Variants in DLG1 observed in about 807,000 individuals in gnomAD.
DLG1 encodes the protein disks large homolog 1.
Under a neutral mutation model 123.4 loss-of-function variants are expected in DLG1, and 42 were observed. That is an observed-to-expected ratio of 0.34 (90% CI 0.27 to 0.44). The LOEUF is 0.44. DLG1 is among the 20% of genes least tolerant of loss of function. DLG1 has a pLI of 1.00. For synonymous variants in DLG1, 317 were observed against 356.2 expected, an observed-to-expected ratio of 0.89 and a Z score of 1.24; for missense variants, 942 against 1,082.6, an observed-to-expected ratio of 0.87 and a Z score of 1.82.
Position 197,268,899 on chromosome 3 carries a change from CAA to C in DLG1, c.318+13778_318+13779del, listed in dbSNP as rs372532374. On this transcript the variant is annotated intron_variant, in intron 4 of 24. Transcript: ENST00000667157. ...ACACACTTTTAAATACTGTTAAAAA[CAA>C]ACACACACACACCCGTTAACTTAAG... Among the ~76,000 whole-genome samples the C allele has an allele frequency of 9.8e-3, 1,123 of 114,472 alleles. 12 individuals carry two copies. Among genetic ancestry groups the C allele is most frequent in the African/African-American group, 0.043 (993 of 23,188 alleles). The allele number at this position is 114,472 out of a possible 152,430, so 75.1% of individuals were successfully genotyped here.
intron 5 of DLG1, among the ~76,000 whole-genome samples, chr3:197,164,631 G>A (rs1301923782): frequency 6.6e-6 from 1 of 151,838 alleles, no homozygotes; most frequent in Non-Finnish European, 1.5e-5. Context: ...GCTGGGCATG[G>A]TGGCTCATGC....
Position 197,114,721 on chromosome 3 carries a change from G to A in DLG1, c.1443+1206C>T, listed in dbSNP as rs568832738. ...TTTTCGGCCAGGTGCAGTGGCTCAC[G>A]CCTGTAGTCCCGGCACTTTGGGAGG... On this transcript the variant is annotated intron_variant, in intron 13 of 24. Coordinates refer to ENST00000667157, the MANE Select transcript of DLG1 (RefSeq NM_001366207.1). Among the ~76,000 whole-genome samples, 12 of 152,190 alleles carry A rather than the reference G, an allele frequency of 7.9e-5. No individual in the cohort carries two copies. The East Asian group carries it at 1.4e-3, about 17-fold the overall frequency.
intron 5 of DLG1, among the ~76,000 whole-genome samples, chr3:197,174,237 C>A (rs1248193466): frequency 1.3e-5 from 2 of 152,104 alleles, no homozygotes; most frequent in African/African-American, 4.8e-5. Flanking sequence ...GGCTTTAAGA[C>A]ACCTAAGTTA....
At chr3:197,193,881 G>A (rs552852343) in intron 5 of DLG1, among the ~76,000 whole-genome samples, 4 of 151,592 alleles carry the variant, frequency 2.6e-5, no homozygotes, top group South Asian at 2.1e-4. Context: ...GTGCAGTGGC[G>A]TAATCTAGGC....
At chr3:197,231,687 C>T (rs1471306350) in intron 4 of DLG1, among the ~76,000 whole-genome samples, 1 of 127,462 alleles carries the variant, frequency 7.8e-6, no homozygotes, top group African/African-American at 2.9e-5. Flanking sequence ...GGAAGAGAAC[C>T]AGACCCTGTT....
chr3:197,277,494 C>T (rs1465142790), intron 4 of DLG1, among the ~76,000 whole-genome samples: 1 of 152,070 alleles, frequency 6.6e-6, no homozygotes, highest in Non-Finnish European at 1.5e-5. Flanking sequence ...GCACGCACCA[C>T]CACACCTGGC....
chr3:197,297,670 T>C, intron 1 of DLG1: 1 of 990,346 alleles, frequency 1.0e-6, no homozygotes, highest in Non-Finnish European at 1.2e-6. Context: ...TCCTCTCGCT[T>C]GCCTTTCTCC....
intron 4 of DLG1, among the ~76,000 whole-genome samples, chr3:197,246,486 C>T (rs1751789358): frequency 6.6e-6 from 1 of 152,140 alleles, no homozygotes. Context: ...TTGTCCTAAC[C>T]TGAAGGGGTG....
intron 5 of DLG1, among the ~76,000 whole-genome samples, chr3:197,176,308 C>T (rs1253077834): frequency 6.6e-6 from 1 of 152,010 alleles, no homozygotes; most frequent in Non-Finnish European, 1.5e-5. Flanking sequence ...ATCAATGAGC[C>T]CACACTGCCA....
chr3:197,114,387 T>A (rs959474565), intron 13 of DLG1, among the ~76,000 whole-genome samples: 7 of 151,884 alleles, frequency 4.6e-5, no homozygotes, highest in African/African-American at 1.5e-4. Context: ...CAAGACAGAG[T>A]AGACTTCTTT....
chr3:197,279,792 G>T (rs1188866761), intron 4 of DLG1, among the ~76,000 whole-genome samples: 3 of 151,972 alleles, frequency 2.0e-5, no homozygotes, highest in African/African-American at 7.3e-5. Context: ...AAATCTATAT[G>T]GAAAAAAACT....
chr3:197,223,576 G>T (rs1738269585), intron 4 of DLG1, among the ~76,000 whole-genome samples: 2 of 152,294 alleles, frequency 1.3e-5, no homozygotes, highest in African/African-American at 4.8e-5. Flanking sequence ...AATTTACATA[G>T]TAAGATTACT....
At chr3:197,233,640 CT>C (rs1421384763) in intron 4 of DLG1, among the ~76,000 whole-genome samples, 2 of 152,054 alleles carry the variant, frequency 1.3e-5, no homozygotes, top group Non-Finnish European at 2.9e-5. Flanking sequence ...CCACCTTGGC[CT>C]CCCAAAGTGC....
intron 10 of DLG1, among the ~76,000 whole-genome samples, chr3:197,133,109 T>C (rs1048349555): frequency 6.6e-6 from 1 of 152,246 alleles, no homozygotes; most frequent in Non-Finnish European, 1.5e-5. Flanking sequence ...TTCACACCCT[T>C]GTAAAAATCT....
At chr3:197,106,274 T>C (rs3856759) in intron 13 of DLG1, among the ~76,000 whole-genome samples, 63,185 of 151,828 alleles carry the variant, frequency 0.42, 13,706 homozygotes, top group East Asian at 0.74. Context: ...GGCATGGTGG[T>C]GTGTGCCTGT....
chr3:197,259,162 A>C (rs2150943398), intron 4 of DLG1, among the ~76,000 whole-genome samples: 1 of 152,274 alleles, frequency 6.6e-6, no homozygotes, highest in East Asian at 1.9e-4. Context: ...CCATGAAAAA[A>C]ATTTAGAGAG....
chr3:197,253,723 C>G (rs338203), intron 4 of DLG1, among the ~76,000 whole-genome samples: 85,659 of 151,818 alleles, frequency 0.56, 24,700 homozygotes, highest in East Asian at 0.79. Flanking sequence ...GGTGTGGCTA[C>G]AAAAAGGCCT....
chr3:197,144,442 C>A (rs1789637685), intron 6 of DLG1, among the ~76,000 whole-genome samples: 1 of 152,166 alleles, frequency 6.6e-6, no homozygotes, highest in South Asian at 2.1e-4. Context: ...TTGGACCTCC[C>A]AACCTTGTCA....
At chr3:197,070,131 C>T (rs1242047268) in intron 18 of DLG1, 1 of 152,034 alleles carries the variant, frequency 6.6e-6, no homozygotes, top group Non-Finnish European at 1.5e-5. Context: ...CTCAAGTTTT[C>T]TCTCAATAAA....
Sources: allele counts gnomAD v4.1 joint callset (sites outside exome capture counted in the v4.1 genomes callset), GRCh38; gene constraint gnomAD v4.1.1; transcripts MANE v1.5; gene names NCBI Gene and HGNC (gene_info 2026-07-23, HGNC 2026-07-21).